The following GPD2 variants were observed in gnomAD, a reference collection of about 807,000 sequenced individuals.
GPD2 encodes the protein glycerol-3-phosphate dehydrogenase 2.
A neutral mutation model predicts 82.4 loss-of-function variants in GPD2; 54 were observed. The ratio of observed to expected loss-of-function variants is 0.66; its 90% CI spans 0.53 to 0.82. The LOEUF (loss-of-function observed/expected upper bound fraction) is 0.82, where lower values mean the gene tolerates loss of function less well. Among genes scored for constraint, GPD2 ranks in the 40% least tolerant of loss-of-function variants. GPD2 has a pLI of 0.00. For missense variants in GPD2, 748 were observed against 896.2 expected (o/e 0.83, Z 2.11); for synonymous variants, 288 against 306.1 (o/e 0.94, Z 0.62).
At chr2:156,449,219 G>A (rs1366374406) in intron 1 of GPD2, among the ~76,000 whole-genome samples, 1 of 151,916 alleles carries the variant, frequency 6.6e-6, no homozygotes, top group African/African-American at 2.4e-5. Context: ...TATGTTGTGG[G>A]CGTCATTATT....
At chr2:156,418,271 G>C in the GPD2 span, among the ~76,000 whole-genome samples, 2 of 151,798 alleles carry the variant, frequency 1.3e-5, no homozygotes, top group African/African-American at 4.8e-5. Context: ...GTGGGCACCT[G>C]TAATCCCAGC....
At chr2:156,400,665 G>C in the GPD2 span, among the ~76,000 whole-genome samples, 2 of 152,206 alleles carry the variant, frequency 1.3e-5, no homozygotes, top group Non-Finnish European at 2.9e-5. Flanking sequence ...TATTTCAGAA[G>C]CACTCGCCAA....
intron 9 of GPD2, among the ~76,000 whole-genome samples, chr2:156,562,012 C>T (rs1004815289): frequency 1.3e-5 from 2 of 152,070 alleles, no homozygotes; most frequent in East Asian, 3.9e-4. Context: ...GATAGTTCTG[C>T]GTTTCATATT....
intron 8 of GPD2, among the ~76,000 whole-genome samples, chr2:156,552,751 C>T (rs1686805984): frequency 6.6e-6 from 1 of 152,136 alleles, no homozygotes; most frequent in African/African-American, 2.4e-5. Flanking sequence ...AAACATTCTG[C>T]TCCTTCAGAG....
intron 6 of GPD2, 113 bp downstream of exon 6, chr2:156,513,609 A>G (rs896884975): frequency 1.0e-5 from 8 of 803,840 alleles, no homozygotes; most frequent in Non-Finnish European, 1.7e-5. Context: ...ATCTTACACA[A>G]CACACAAACA....
chr2:156,408,458 G>T, the GPD2 span, among the ~76,000 whole-genome samples: 4 of 152,152 alleles, frequency 2.6e-5, no homozygotes, highest in South Asian at 2.1e-4. Context: ...GGGTGCAGTG[G>T]CTCTGGCCTG....
chr2:156,424,662 T>C, the GPD2 span, among the ~76,000 whole-genome samples: 2 of 152,252 alleles, frequency 1.3e-5, no homozygotes, highest in African/African-American at 4.8e-5. Context: ...AACCTGCAGT[T>C]TTTTGTTCTT....
rs35948070 is a variant in GPD2 at position 156,561,040 on chromosome 2, C to CTTTTTT, written c.1165+3478_1165+3483dup. Among the ~76,000 whole-genome samples the CTTTTTT allele has an allele frequency of 9.6e-3, 265 of 27,606 alleles. 67 individuals carry two copies. The highest frequency in any genetic ancestry group is 0.012 in the Non-Finnish European group (201 of 16,598). The allele number at this position is 27,606 out of a possible 152,430, so 18.1% of individuals were successfully genotyped here. A position where few individuals can be genotyped will look rare whatever the true frequency, so the allele number is the denominator to read the frequency against. On this transcript the variant is annotated intron_variant, in intron 9 of 16. Coordinates refer to ENST00000438166, the MANE Select transcript of GPD2 (RefSeq NM_000408.5). The stretch of plus-strand genomic sequence containing the variant: ...GAAACTGAGGCCCAGTGACATTAAG[C>CTTTTTT]TTTTTTTTTTTTTTTTTTTTTTTTT...
At chr2:156,528,540 A>G (rs975569020) in intron 6 of GPD2, among the ~76,000 whole-genome samples, 4 of 148,818 alleles carry the variant, frequency 2.7e-5, no homozygotes, top group Non-Finnish European at 6.0e-5. Context: ...TGCACCCACT[A>G]ACTTGTCATC....
chr2:156,496,306 G>A, intron 3 of GPD2, 91 bp downstream of exon 3: 1 of 848,610 alleles, frequency 1.2e-6, no homozygotes. Context: ...GTGTGCCATG[G>A]TGGTTTGCTG....
At chr2:156,473,301 A>G (rs1318152786) in intron 1 of GPD2, among the ~76,000 whole-genome samples, 1 of 152,168 alleles carries the variant, frequency 6.6e-6, no homozygotes. Context: ...GCTCATTGGG[A>G]AAATGCATGA....
intron 1 of GPD2, among the ~76,000 whole-genome samples, chr2:156,463,064 G>T (rs1683043901): frequency 6.6e-6 from 1 of 152,172 alleles, no homozygotes; most frequent in African/African-American, 2.4e-5. Flanking sequence ...GAGAGAGGAA[G>T]AATTCATACA....
At chr2:156,531,014 C>T (rs907077886) in intron 6 of GPD2, among the ~76,000 whole-genome samples, 1 of 151,970 alleles carries the variant, frequency 6.6e-6, no homozygotes, top group Non-Finnish European at 1.5e-5. Flanking sequence ...TTCAAAAAAC[C>T]AAGCATAAAC....
chr2:156,556,051 A>G (rs1686949278), intron 8 of GPD2, among the ~76,000 whole-genome samples: 1 of 152,138 alleles, frequency 6.6e-6, no homozygotes, highest in South Asian at 2.1e-4. Flanking sequence ...AGCTGCCTAT[A>G]TGTTTCTTTT....
the GPD2 span, among the ~76,000 whole-genome samples, chr2:156,404,861 A>G: frequency 6.6e-6 from 1 of 152,034 alleles, no homozygotes; most frequent in African/African-American, 2.4e-5. Context: ...CTCCAAAAAA[A>G]AAAAAAAGAA....
At chr2:156,518,432 A>G (rs1050397963) in intron 6 of GPD2, among the ~76,000 whole-genome samples, 1 of 152,240 alleles carries the variant, frequency 6.6e-6, no homozygotes, top group African/African-American at 2.4e-5. Flanking sequence ...AAATTGTTAC[A>G]GGTACAGCAG....
the GPD2 span, among the ~76,000 whole-genome samples, chr2:156,406,437 C>T: frequency 2.6e-5 from 4 of 152,170 alleles, no homozygotes; most frequent in Non-Finnish European, 5.9e-5. Context: ...GACTCTTATT[C>T]TCCCTCCTCA....
chr2:156,487,534 T>A (rs1339678340), intron 2 of GPD2, among the ~76,000 whole-genome samples: 1 of 152,218 alleles, frequency 6.6e-6, no homozygotes, highest in Non-Finnish European at 1.5e-5. Flanking sequence ...ACATGAGATT[T>A]GGAGTCAAAC....
At chr2:156,544,598 T>C (rs1686457431) in intron 6 of GPD2, among the ~76,000 whole-genome samples, 2 of 152,172 alleles carry the variant, frequency 1.3e-5, no homozygotes, top group South Asian at 4.1e-4. Flanking sequence ...GCTTTACTGA[T>C]GCCCAGTCTC....
Sources: allele counts gnomAD v4.1 joint callset (sites outside exome capture counted in the v4.1 genomes callset), GRCh38; gene constraint gnomAD v4.1.1; transcripts MANE v1.5; gene names NCBI Gene and HGNC (gene_info 2026-07-23, HGNC 2026-07-21).